ARHGEF28: variants seen among roughly 807,000 people sequenced by gnomAD.
The protein encoded by ARHGEF28 is Rho guanine nucleotide exchange factor 28.
A neutral mutation model predicts 206.6 loss-of-function variants in ARHGEF28; 152 were observed. The observed-to-expected ratio is 0.74, with a 90% CI of 0.64 to 0.84. The LOEUF (loss-of-function observed/expected upper bound fraction) is 0.84, where lower values mean the gene tolerates loss of function less well. ARHGEF28 is among the 40% of genes least tolerant of loss of function. The pLI, the probability that ARHGEF28 is intolerant of heterozygous loss-of-function variation, is 0.00. For synonymous variants in ARHGEF28, 763 were observed against 776.4 expected (o/e 0.98, Z 0.29); for missense variants, 2,028 against 2,073.2 (o/e 0.98, Z 0.42).
chr5:73,761,296 C>T lies in ARHGEF28; in HGVS notation c.475+8094C>T, dbSNP rs566077874. On this transcript the variant is annotated intron_variant, in intron 4 of 35. Coordinates refer to ENST00000513042, the MANE Select transcript of ARHGEF28 (RefSeq NM_001177693.2). Reference sequence around the variant, plus strand: ...AAAATTTTGCTATTCTCATAGATTTCTTAATGGGATTTGAATGCTGGCAGT... The same window carrying T: ...AAAATTTTGCTATTCTCATAGATTTTTTAATGGGATTTGAATGCTGGCAGT... Among the ~76,000 whole-genome samples the T allele has an allele frequency of 5.3e-5, 8 of 152,282 alleles. No individual in the cohort carries two copies. The South Asian group carries it at 1.7e-3, about 32-fold the overall frequency.
intron 31 of ARHGEF28, chr5:73,903,961 C>A: frequency 2.0e-6 from 1 of 508,510 alleles, no homozygotes; most frequent in South Asian, 2.8e-5. Context: ...ACTGTCATCC[C>A]TTGTTGTTTT....
chr5:73,933,208 A>G (rs1764231887), intron 35 of ARHGEF28, among the ~76,000 whole-genome samples: 1 of 152,182 alleles, frequency 6.6e-6, no homozygotes, highest in Non-Finnish European at 1.5e-5. Context: ...ACGTTAACTC[A>G]TTTCAAAGGA....
At chr5:73,924,952 C>T (rs1472818098) in intron 35 of ARHGEF28, among the ~76,000 whole-genome samples, 1 of 152,188 alleles carries the variant, frequency 6.6e-6, no homozygotes, top group Non-Finnish European at 1.5e-5. Context: ...GCGGCATACC[C>T]TTCAAAGACA....
Position 73,821,039 on chromosome 5 carries a change from T to C in ARHGEF28, c.1025-11299T>C, listed in dbSNP as rs999239270. On this transcript the variant is annotated intron_variant, in intron 9 of 35. Coordinates refer to ENST00000513042, the MANE Select transcript of ARHGEF28 (RefSeq NM_001177693.2). Reference sequence around the variant, plus strand: ...AGGCAGGGAAATCACTTGTCTCATCTACCTGGTCAGTGTCATCCCTGACAA... The same window carrying C: ...AGGCAGGGAAATCACTTGTCTCATCCACCTGGTCAGTGTCATCCCTGACAA... Among the ~76,000 whole-genome samples the C allele has an allele frequency of 1.7e-4, 26 of 152,174 alleles. 2 individuals carry two copies. The highest frequency in any genetic ancestry group is 1.3e-3 in the Admixed American group (20 of 15,276).
At chr5:73,671,698 A>G (rs968463390) in intron 1 of ARHGEF28, among the ~76,000 whole-genome samples, 7 of 11,026 alleles carry the variant, frequency 6.3e-4, no homozygotes, top group African/African-American at 1.6e-3. Context: ...ACTTGATTAT[A>G]TATATATATA....
intron 2 of ARHGEF28, among the ~76,000 whole-genome samples, chr5:73,705,104 T>C (rs1424815215): frequency 6.6e-6 from 1 of 152,218 alleles, no homozygotes; most frequent in African/African-American, 2.4e-5. Flanking sequence ...ATATTTCTAC[T>C]TGTGTCCTGT....
intron 9 of ARHGEF28, among the ~76,000 whole-genome samples, chr5:73,800,330 A>G (rs987951296): frequency 1.3e-5 from 2 of 152,186 alleles, no homozygotes; most frequent in African/African-American, 4.8e-5. Flanking sequence ...AAGCATGTGG[A>G]TTACTTCTAT....
chr5:73,706,982 C>G (rs1332039291), intron 2 of ARHGEF28, among the ~76,000 whole-genome samples: 1 of 152,140 alleles, frequency 6.6e-6, no homozygotes, highest in African/African-American at 2.4e-5. Context: ...TAGCCCTGTC[C>G]CTGTACAGCT....
intron 4 of ARHGEF28, among the ~76,000 whole-genome samples, chr5:73,758,566 T>A (rs1396189778): frequency 6.6e-6 from 1 of 151,958 alleles, no homozygotes; most frequent in Non-Finnish European, 1.5e-5. Context: ...TATTTTTATT[T>A]TTTTTTTGAG....
chr5:73,760,467 A>G (rs899896104), intron 4 of ARHGEF28, among the ~76,000 whole-genome samples: 5 of 152,156 alleles, frequency 3.3e-5, no homozygotes, highest in Non-Finnish European at 1.5e-5. Context: ...TAATGGGACA[A>G]ACATCTCTAC....
chr5:73,722,009 T>C (rs977051404), intron 2 of ARHGEF28, among the ~76,000 whole-genome samples: 13 of 152,310 alleles, frequency 8.5e-5, no homozygotes, highest in Middle Eastern at 3.4e-3. Flanking sequence ...ACACAATATC[T>C]AATGAGTATA....
intron 6 of ARHGEF28, among the ~76,000 whole-genome samples, chr5:73,779,436 C>T (rs1033563682): frequency 1.3e-5 from 2 of 152,158 alleles, no homozygotes; most frequent in Admixed American, 6.5e-5. Flanking sequence ...TGAATATATT[C>T]TATTTTCAAG....
intron 35 of ARHGEF28, among the ~76,000 whole-genome samples, chr5:73,921,839 A>C (rs1356840496): frequency 6.6e-6 from 1 of 152,208 alleles, no homozygotes; most frequent in Non-Finnish European, 1.5e-5. Flanking sequence ...TTACAAGCAA[A>C]ACATTGGCAG....
At chr5:73,892,338 G>T in intron 27 of ARHGEF28, 108 bp downstream of exon 27, 1 of 1,210,870 alleles carries the variant, frequency 8.3e-7, no homozygotes, top group East Asian at 2.6e-5. Flanking sequence ...AGAATGGTCT[G>T]CCCCCTGCCC....
At chr5:73,682,555 G>A (rs982671831) in intron 1 of ARHGEF28, among the ~76,000 whole-genome samples, 2 of 151,940 alleles carry the variant, frequency 1.3e-5, no homozygotes, top group East Asian at 1.9e-4. Flanking sequence ...TGAGATTACA[G>A]GTGCCTGCCA....
At chr5:73,902,649 A>G (rs1204802427) in intron 31 of ARHGEF28, 2 of 152,254 alleles carry the variant, frequency 1.3e-5, no homozygotes, top group African/African-American at 4.8e-5. Context: ...GTAAGGTTAG[A>G]ACAAATTTCT....
intron 9 of ARHGEF28, among the ~76,000 whole-genome samples, chr5:73,801,950 G>A (rs774636579): frequency 3.9e-5 from 6 of 152,128 alleles, no homozygotes; most frequent in Non-Finnish European, 5.9e-5. Flanking sequence ...TGAGAATCAC[G>A]GTCAGAGATC....
chr5:73,933,163 A>T (rs1468431364), intron 35 of ARHGEF28, among the ~76,000 whole-genome samples: 1 of 149,930 alleles, frequency 6.7e-6, no homozygotes, highest in African/African-American at 2.4e-5. Flanking sequence ...CTCAAATTTA[A>T]AAGACTGGAG....
At chr5:73,771,936 A>G (rs1428856288) in intron 4 of ARHGEF28, among the ~76,000 whole-genome samples, 1 of 152,118 alleles carries the variant, frequency 6.6e-6, no homozygotes, top group Non-Finnish European at 1.5e-5. Flanking sequence ...GTTTTTAGAT[A>G]TTTTGGTATT....
Sources: allele counts gnomAD v4.1 joint callset (sites outside exome capture counted in the v4.1 genomes callset), GRCh38; gene constraint gnomAD v4.1.1; transcripts MANE v1.5; gene names NCBI Gene and HGNC (gene_info 2026-07-23, HGNC 2026-07-21).